The following PREPL variants were observed in gnomAD, a reference collection of about 807,000 sequenced individuals.
PREPL encodes prolyl endopeptidase-like.
PREPL carries 77 observed loss-of-function variants against 70.6 expected under a neutral mutation model. That is an observed-to-expected ratio of 1.09 (90% CI 0.91 to 1.32). PREPL has a LOEUF of 1.32. Ranked by LOEUF, PREPL falls within the 40% of genes most tolerant of loss-of-function variation. PREPL has a pLI of 0.00. For missense variants in PREPL, 1,002 were observed against 778.2 expected (o/e 1.29, Z -3.42); for synonymous variants, 315 against 264.8 (o/e 1.19, Z -1.84).
chr2:44,348,809 A>G (rs72875327), intron 1 of PREPL, among the ~76,000 whole-genome samples: 1,683 of 152,272 alleles, frequency 0.011, 26 homozygotes, highest in African/African-American at 0.032. Context: ...GTTTTATATA[A>G]TATTCATTAA....
intron 7 of PREPL, among the ~76,000 whole-genome samples, chr2:44,334,260 C>T (rs1404744441): frequency 6.6e-6 from 1 of 152,042 alleles, no homozygotes; most frequent in Non-Finnish European, 1.5e-5. Flanking sequence ...TCCTTAGATA[C>T]CTGAGAGAAA....
chr2:44,349,802 G>C (rs1676213957), intron 1 of PREPL, among the ~76,000 whole-genome samples: 1 of 152,098 alleles, frequency 6.6e-6, no homozygotes, highest in African/African-American at 2.4e-5. Context: ...AGATACAACA[G>C]AGATTTTTAA....
At chr2:44,329,761 G>A (rs1673901015) in intron 8 of PREPL, among the ~76,000 whole-genome samples, 2 of 152,276 alleles carry the variant, frequency 1.3e-5, no homozygotes, top group East Asian at 1.9e-4. Context: ...TAAGTTACTT[G>A]TAGGTTATGT....
chr2:44,341,178 A>G (rs1054942843), intron 5 of PREPL, among the ~76,000 whole-genome samples: 1 of 152,112 alleles, frequency 6.6e-6, no homozygotes, highest in African/African-American at 2.4e-5. Context: ...ATTTTTCTCA[A>G]TGGGTTCTTT....
intron 1 of PREPL, chr2:44,359,562 G>T (rs763732074): frequency 1.2e-6 from 2 of 1,613,458 alleles, no homozygotes; most frequent in South Asian, 1.1e-5. Context: ...TTATTCTGAA[G>T]ACACTTGGTT....
chr2:44,355,751 TTATATA>T (rs112927329), intron 1 of PREPL, among the ~76,000 whole-genome samples: 3,719 of 141,344 alleles, frequency 0.026, 71 homozygotes, highest in Non-Finnish European at 0.038. Flanking sequence ...AAACTACATA[TTATATA>T]TATATATATA....
intron 10 of PREPL, among the ~76,000 whole-genome samples, chr2:44,324,499 TAAGTA>T (rs1673298068): frequency 6.6e-6 from 1 of 152,170 alleles, no homozygotes; most frequent in African/African-American, 2.4e-5. Context: ...CAAAAAACGC[TAAGTA>T]AAGAAACTCT....
chr2:44,349,275 T>C (rs553916965), intron 1 of PREPL, among the ~76,000 whole-genome samples: 1 of 152,220 alleles, frequency 6.6e-6, no homozygotes, highest in Non-Finnish European at 1.5e-5. Flanking sequence ...ATTCTAAGGC[T>C]AGAGCAGGGA....
chr2:44,322,012 G>C (rs1017743209), intron 12 of PREPL, 112 bp from the exon 13 acceptor site: 25 of 1,133,546 alleles, frequency 2.2e-5, no homozygotes, highest in Non-Finnish European at 3.0e-5. Flanking sequence ...AATAGTAAAG[G>C]AATAAAAAGC....
intron 7 of PREPL, among the ~76,000 whole-genome samples, chr2:44,336,391 T>G (rs1055272263): frequency 6.6e-6 from 1 of 152,124 alleles, no homozygotes; most frequent in Non-Finnish European, 1.5e-5. Context: ...TGCAGCAACA[T>G]GGATGAAGCT....
chr2:44,337,938 A>G (rs1311838220), intron 7 of PREPL, among the ~76,000 whole-genome samples: 1 of 152,230 alleles, frequency 6.6e-6, no homozygotes, highest in Non-Finnish European at 1.5e-5. Flanking sequence ...TGTAGTGGCT[A>G]AAAACACAGT....
At chr2:44,341,698 A>C (rs536994026) in intron 5 of PREPL, among the ~76,000 whole-genome samples, 1 of 151,970 alleles carries the variant, frequency 6.6e-6, no homozygotes, top group Non-Finnish European at 1.5e-5. Flanking sequence ...TTTAAAATGT[A>C]TTATAAAAAT....
intron 1 of PREPL, among the ~76,000 whole-genome samples, chr2:44,350,856 A>T (rs1676343497): frequency 6.6e-6 from 1 of 151,906 alleles, no homozygotes; most frequent in Non-Finnish European, 1.5e-5. Flanking sequence ...CCTCCTAAAA[A>T]CACTTTTCTT....
At position 44,320,564 on chromosome 2, in the gene PREPL, T is replaced by A. The variant is rs1303011184; in HGVS notation, c.*792A>T. The A allele has an allele frequency of 6.2e-7, 1 of 1,614,082 alleles. No homozygotes were observed. The highest frequency in any genetic ancestry group is 8.5e-7 in the Non-Finnish European group (1 of 1,179,942). On this transcript the variant is annotated 3_prime_UTR_variant, in exon 14 of 14. Coordinates refer to ENST00000409411, the MANE Select transcript of PREPL (RefSeq NM_001171613.2). ...AGAATCTCCTTCATCGCCAAACAGC[T>A]TTCAGAGATAGATGCTTTGTTTCCA...
At chr2:44,343,629 T>C in intron 4 of PREPL, 116 bp downstream of exon 4, 4 of 858,590 alleles carry the variant, frequency 4.7e-6, no homozygotes, top group Non-Finnish European at 7.6e-6. Context: ...GTATAGTCCA[T>C]AGGGATACAT....
chr2:44,334,592 C>A (rs1674446272), intron 7 of PREPL, among the ~76,000 whole-genome samples: 1 of 152,198 alleles, frequency 6.6e-6, no homozygotes, highest in African/African-American at 2.4e-5. Flanking sequence ...TGCACCCAGG[C>A]TGGAATGCAG....
chr2:44,350,019 C>T (rs1482913569), intron 1 of PREPL, among the ~76,000 whole-genome samples: 1 of 151,872 alleles, frequency 6.6e-6, no homozygotes, highest in African/African-American at 2.4e-5. Flanking sequence ...CTTGGATCTT[C>T]AAGAAACAGC....
chr2:44,334,452 CA>C (rs571045349), intron 7 of PREPL, among the ~76,000 whole-genome samples: 21 of 150,710 alleles, frequency 1.4e-4, no homozygotes, highest in African/African-American at 4.4e-4. Context: ...CTTTTTGTGA[CA>C]AAAAAAAATA....
At position 44,319,016 on chromosome 2, in the gene PREPL, T is replaced by A. The variant is rs1672690139; in HGVS notation, c.*2340A>T. Reference sequence around the variant, plus strand: ...ATAGCTAACACTTACCGGGCACTTCTTATGTGAGTGGCACTGAAACATGTG... The same window carrying A: ...ATAGCTAACACTTACCGGGCACTTCATATGTGAGTGGCACTGAAACATGTG... On this transcript the variant is annotated 3_prime_UTR_variant, in exon 14 of 14. Transcript: ENST00000409411. 6.6e-6 allele frequency: 1 copy of A among 152,222 alleles called. No homozygotes were observed. Among genetic ancestry groups the A allele is most frequent in the Non-Finnish European group, 1.5e-5 (1 of 68,044 alleles). The allele number at this position is 152,222 out of a possible 1,614,324, so 9.4% of individuals were successfully genotyped here.
Sources: gnomAD v4.1 joint callset for allele counts (sites outside exome capture counted in the v4.1 genomes callset) on GRCh38, gnomAD v4.1.1 for gene constraint, MANE v1.5 for transcripts, NCBI Gene and HGNC (gene_info 2026-07-23, HGNC 2026-07-21) for gene names.